The following PCDH15 variants were observed in gnomAD, a reference collection of about 807,000 sequenced individuals.
The protein encoded by PCDH15 is protocadherin related 15.
PCDH15 carries 129 observed loss-of-function variants against 178.5 expected under a neutral mutation model. The observed-to-expected ratio is 0.72, with a 90% CI of 0.63 to 0.84. The LOEUF is 0.84. Ranked by LOEUF, PCDH15 falls within the 40% of genes least tolerant of loss-of-function variation. PCDH15 has a pLI of 0.00. For missense variants in PCDH15, 2,230 were observed against 2,099.9 expected (o/e 1.06, Z -1.21); for synonymous variants, 800 against 732.0 (o/e 1.09, Z -1.50).
intron 1 of PCDH15, among the ~76,000 whole-genome samples, chr10:54,737,830 A>G (rs145274583): frequency 9.5e-4 from 145 of 152,286 alleles, no homozygotes; most frequent in Middle Eastern, 3.4e-3. Flanking sequence ...AAAAGCAGAT[A>G]TGAATACTGC....
At chr10:53,974,083 T>C (rs2089989578) in intron 21 of PCDH15, among the ~76,000 whole-genome samples, 1 of 152,184 alleles carries the variant, frequency 6.6e-6, no homozygotes, top group African/African-American at 2.4e-5. Context: ...AGTGGCGTGA[T>C]CTTGGCTCAC....
At chr10:54,414,041 A>G (rs1953958710) in intron 3 of PCDH15, among the ~76,000 whole-genome samples, 1 of 152,158 alleles carries the variant, frequency 6.6e-6, no homozygotes, top group African/African-American at 2.4e-5. Context: ...TACACAATAT[A>G]TACATATGAC....
At chr10:54,515,631 A>G (rs1394267681) in intron 3 of PCDH15, among the ~76,000 whole-genome samples, 1 of 152,208 alleles carries the variant, frequency 6.6e-6, no homozygotes, top group African/African-American at 2.4e-5. Context: ...TGAAGAGAGT[A>G]GTGGTTCTCC....
chr10:54,115,453 T>C (rs1176718024), intron 15 of PCDH15, among the ~76,000 whole-genome samples: 1 of 152,228 alleles, frequency 6.6e-6, no homozygotes, highest in African/African-American at 2.4e-5. Context: ...ACATTAGAAA[T>C]GTTGCACACT....
At chr10:54,383,614 CGTGTATGTGTGTTTTTGTGTGT>C (rs1333776302) in intron 3 of PCDH15, among the ~76,000 whole-genome samples, 232 of 73,096 alleles carry the variant, frequency 3.2e-3, no homozygotes, top group African/African-American at 0.01. Context: ...CATACCATGC[CGTGTATGTGTGTTTTTGTGTGT>C]GTGTGTGTGT....
intron 2 of PCDH15, among the ~76,000 whole-genome samples, chr10:54,945,700 T>C (rs528614811): frequency 9.2e-5 from 14 of 151,904 alleles, no homozygotes; most frequent in Admixed American, 2.6e-4. Flanking sequence ...CAAGCAGCCA[T>C]TGGAGTTTAA....
At chr10:54,499,444 C>CA (rs1370169058) in intron 3 of PCDH15, among the ~76,000 whole-genome samples, 4 of 151,782 alleles carry the variant, frequency 2.6e-5, no homozygotes, top group African/African-American at 7.3e-5. Flanking sequence ...TCAACAAATT[C>CA]AAAAAAAGCA....
intron 2 of PCDH15, among the ~76,000 whole-genome samples, chr10:55,591,972 T>A (rs145737875): frequency 1.6e-4 from 24 of 152,250 alleles, no homozygotes; most frequent in African/African-American, 5.5e-4. Context: ...GTTCTATACA[T>A]GTAAATTAAA....
At chr10:53,937,244 A>C (rs1471041657) in intron 25 of PCDH15, among the ~76,000 whole-genome samples, 1 of 152,226 alleles carries the variant, frequency 6.6e-6, no homozygotes, top group African/African-American at 2.4e-5. Context: ...ATTCATAAAA[A>C]TCACAGGTAT....
chr10:54,989,519 T>A (rs976074504), intron 2 of PCDH15, among the ~76,000 whole-genome samples: 4 of 152,210 alleles, frequency 2.6e-5, no homozygotes, highest in Non-Finnish European at 1.5e-5. Context: ...ATGACCTGGA[T>A]GTGAGACATG....
chr10:55,379,443 G>T (rs149025592), intron 2 of PCDH15, among the ~76,000 whole-genome samples: 1 of 152,024 alleles, frequency 6.6e-6, no homozygotes, highest in Non-Finnish European at 1.5e-5. Flanking sequence ...TAATATATTG[G>T]TATTTATTTT....
chr10:54,714,311 G>A (rs1319815531), intron 1 of PCDH15, among the ~76,000 whole-genome samples: 1 of 152,092 alleles, frequency 6.6e-6, no homozygotes, highest in Non-Finnish European at 1.5e-5. Flanking sequence ...TTTCAGCAGT[G>A]TAGAGATGAG....
intron 20 of PCDH15, among the ~76,000 whole-genome samples, chr10:54,018,707 G>T (rs1460029985): frequency 1.3e-5 from 2 of 151,932 alleles, no homozygotes. Context: ...ACAATATGTG[G>T]TTGCCAATAT....
intron 2 of PCDH15, among the ~76,000 whole-genome samples, chr10:55,335,343 A>G (rs543446315): frequency 6.6e-6 from 1 of 152,318 alleles, no homozygotes; most frequent in South Asian, 2.1e-4. Context: ...CATATGTGAG[A>G]GTGTCAGAGA....
At chr10:54,180,173 T>G (rs944924912) in intron 13 of PCDH15, among the ~76,000 whole-genome samples, 1 of 152,188 alleles carries the variant, frequency 6.6e-6, no homozygotes, top group African/African-American at 2.4e-5. Context: ...CTTTAAGGCA[T>G]CACTCCTCTA....
At chr10:55,331,619 A>G (rs1844199853) in intron 2 of PCDH15, among the ~76,000 whole-genome samples, 1 of 152,034 alleles carries the variant, frequency 6.6e-6, no homozygotes, top group African/African-American at 2.4e-5. Context: ...TTGATATAAA[A>G]CACAGCCATG....
chr10:53,953,072 C>A (rs1026411593), intron 23 of PCDH15, among the ~76,000 whole-genome samples: 1 of 152,254 alleles, frequency 6.6e-6, no homozygotes, highest in Non-Finnish European at 1.5e-5. Flanking sequence ...GTGGGTGGGG[C>A]CCCTGCCTGT....
chr10:55,254,542 G>A (rs1001631021), intron 1 of PCDH15, among the ~76,000 whole-genome samples: 1 of 152,080 alleles, frequency 6.6e-6, no homozygotes, highest in East Asian at 1.9e-4. Context: ...TTGAACAGAA[G>A]TTTATAATCT....
chr10:54,530,664 C>A (rs2132719104), intron 2 of PCDH15, among the ~76,000 whole-genome samples: 1 of 152,280 alleles, frequency 6.6e-6, no homozygotes, highest in South Asian at 2.1e-4. Context: ...AGCTGCTTAA[C>A]TACATTTTCT....
Sources: gnomAD v4.1 joint callset for allele counts (sites outside exome capture counted in the v4.1 genomes callset) on GRCh38, gnomAD v4.1.1 for gene constraint, MANE v1.5 for transcripts, NCBI Gene and HGNC (gene_info 2026-07-23, HGNC 2026-07-21) for gene names.